Variants in CDYL observed in about 807,000 individuals in gnomAD.
The protein encoded by CDYL is chromodomain Y-like protein.
A neutral mutation model predicts 47.3 loss-of-function variants in CDYL; 8 were observed. The observed-to-expected ratio is 0.17, with a 90% CI of 0.10 to 0.31. CDYL has a LOEUF of 0.31. Ranked by LOEUF, CDYL falls within the 10% of genes least tolerant of loss-of-function variation. CDYL has a pLI of 1.00. For missense variants in CDYL, 471 were observed against 701.4 expected, an observed-to-expected ratio of 0.67 and a Z score of 3.71; for synonymous variants, 266 against 265.0, an observed-to-expected ratio of 1.00 and a Z score of -0.04.
At chr6:4,828,323 T>C (rs1760038550) in intron 1 of CDYL, among the ~76,000 whole-genome samples, 1 of 146,524 alleles carries the variant, frequency 6.8e-6, no homozygotes, top group South Asian at 2.2e-4. Flanking sequence ...GGTGGCATGA[T>C]CATAGCTCAC....
At position 4,943,765 on chromosome 6, in the gene CDYL, CT is replaced by C. The variant is rs201049668; in HGVS notation, c.1332+14del. The C allele has an allele frequency of 6.9e-4, 825 of 1,200,962 alleles. 2 individuals carry two copies. Among genetic ancestry groups the C allele is most frequent in the African/African-American group, 2.6e-3 (133 of 51,860 alleles). 74.4% of individuals were successfully genotyped at this position (1,200,962 alleles called of 1,614,324 possible). The stretch of plus-strand genomic sequence containing the variant: ...TAATGGGAGGAGCATCTGTGAGTAC[CT>C]TTTTAAAAAAAAAAAAAAAAAGTCA... On this transcript the variant is annotated intron_variant, in intron 5 of 6. Coordinates refer to ENST00000397588, the MANE Select transcript of CDYL (RefSeq NM_004824.4).
chr6:4,757,707 G>T (rs1416175122), intron 3 of CDYL, among the ~76,000 whole-genome samples: 1 of 152,072 alleles, frequency 6.6e-6, no homozygotes, highest in Non-Finnish European at 1.5e-5. Flanking sequence ...TATAACTTTT[G>T]AAGAAAAGGC....
At chr6:4,937,457 C>T in intron 3 of CDYL, 108 bp from the exon 4 acceptor site, 1 of 832,076 alleles carries the variant, frequency 1.2e-6, no homozygotes, top group Non-Finnish European at 1.7e-6. Context: ...GATTAAACCA[C>T]TGCACGCCAA....
At chr6:4,778,105 G>A (rs1758518845) in intron 1 of CDYL, among the ~76,000 whole-genome samples, 1 of 152,126 alleles carries the variant, frequency 6.6e-6, no homozygotes, top group South Asian at 2.1e-4. Context: ...TTCCTTCTAG[G>A]AAGGAAAGTG....
chr6:4,757,117 A>G (rs953196772), intron 3 of CDYL, among the ~76,000 whole-genome samples: 3 of 152,200 alleles, frequency 2.0e-5, no homozygotes, highest in Non-Finnish European at 2.9e-5. Context: ...ATTTTTTAAA[A>G]GTTTGTTGGA....
At chr6:4,844,340 G>T (rs1036748015) in intron 1 of CDYL, among the ~76,000 whole-genome samples, 53 of 152,218 alleles carry the variant, frequency 3.5e-4, no homozygotes, top group African/African-American at 1.3e-3. Flanking sequence ...ATCAGGTGGT[G>T]TGGGGGCCCT....
chr6:4,743,693 T>TTA (rs1257614325), intron 3 of CDYL, among the ~76,000 whole-genome samples: 1 of 152,216 alleles, frequency 6.6e-6, no homozygotes, highest in Non-Finnish European at 1.5e-5. Flanking sequence ...TTGGATTTTA[T>TTA]TATATATATC....
intron 3 of CDYL, among the ~76,000 whole-genome samples, chr6:4,735,009 G>T (rs552871901): frequency 6.6e-6 from 1 of 152,112 alleles, no homozygotes; most frequent in African/African-American, 2.4e-5. Flanking sequence ...GTTTTTGGCC[G>T]GGCACAGTGG....
At chr6:4,735,281 ACT>A (rs1384404163) in intron 3 of CDYL, among the ~76,000 whole-genome samples, 2 of 151,150 alleles carry the variant, frequency 1.3e-5, no homozygotes, top group African/African-American at 4.9e-5. Context: ...CAACAGCGAA[ACT>A]CTGTCTCAAA....
intron 1 of CDYL, among the ~76,000 whole-genome samples, chr6:4,830,938 A>C (rs1001998303): frequency 6.6e-5 from 10 of 152,032 alleles, no homozygotes; most frequent in African/African-American, 2.2e-4. Flanking sequence ...TGAGCTCATC[A>C]TTTTTTATGG....
chr6:4,726,744 C>T (rs1035102185), intron 2 of CDYL, among the ~76,000 whole-genome samples: 1 of 151,394 alleles, frequency 6.6e-6, no homozygotes, highest in African/African-American at 2.4e-5. Context: ...AATTAGATTT[C>T]ATTCTGTTAG....
chr6:4,795,419 C>T (rs1326800340), intron 1 of CDYL, among the ~76,000 whole-genome samples: 1 of 151,798 alleles, frequency 6.6e-6, no homozygotes, highest in African/African-American at 2.4e-5. Flanking sequence ...ATTTTTTTCT[C>T]TTCTCAGTTT....
At chr6:4,718,573 C>CG (rs1757312349) in intron 2 of CDYL, 1 of 152,092 alleles carries the variant, frequency 6.6e-6, no homozygotes, top group Non-Finnish European at 1.5e-5. Flanking sequence ...CCACCATGCT[C>CG]GGCCCCCATG....
At chr6:4,900,210 T>C (rs539816785) in intron 2 of CDYL, among the ~76,000 whole-genome samples, 23 of 152,366 alleles carry the variant, frequency 1.5e-4, no homozygotes, top group African/African-American at 5.3e-4. Flanking sequence ...CTACGTAATT[T>C]GTTCTTAGCA....
At chr6:4,745,664 C>T (rs1448756684) in intron 3 of CDYL, among the ~76,000 whole-genome samples, 2 of 152,160 alleles carry the variant, frequency 1.3e-5, no homozygotes, top group Non-Finnish European at 2.9e-5. Context: ...GAAGTGTCAC[C>T]AGGGTCAAAG....
intron 1 of CDYL, among the ~76,000 whole-genome samples, chr6:4,804,578 CTTAT>C (rs1197364811): frequency 6.6e-6 from 1 of 152,178 alleles, no homozygotes; most frequent in African/African-American, 2.4e-5. Flanking sequence ...GCCTTGGAGG[CTTAT>C]TTTGCTCATC....
At chr6:4,722,158 A>C (rs1757382832) in intron 2 of CDYL, among the ~76,000 whole-genome samples, 1 of 152,138 alleles carries the variant, frequency 6.6e-6, no homozygotes, top group South Asian at 2.1e-4. Flanking sequence ...CGGCCAGAGA[A>C]ATATTTTTTA....
chr6:4,789,100 G>A (rs758973603), intron 1 of CDYL, among the ~76,000 whole-genome samples: 10 of 152,172 alleles, frequency 6.6e-5, no homozygotes, highest in Non-Finnish European at 1.2e-4. Context: ...TTTTGAGACA[G>A]GGTCTTGCTC....
At chr6:4,731,950 C>A (rs974779537) in intron 2 of CDYL, among the ~76,000 whole-genome samples, 2 of 152,026 alleles carry the variant, frequency 1.3e-5, no homozygotes, top group Non-Finnish European at 2.9e-5. Flanking sequence ...TACATGAGGT[C>A]ATTTTATTTT....
Sources: gnomAD v4.1 joint callset for allele counts (sites outside exome capture counted in the v4.1 genomes callset) on GRCh38, gnomAD v4.1.1 for gene constraint, MANE v1.5 for transcripts, NCBI Gene and HGNC (gene_info 2026-07-23, HGNC 2026-07-21) for gene names.